CCDC172: variants seen among roughly 807,000 people sequenced by gnomAD.
CCDC172 encodes the protein coiled-coil domain-containing protein 172.
CCDC172 carries 30 observed loss-of-function variants against 38.0 expected under a neutral mutation model. The ratio of observed to expected loss-of-function variants is 0.79; its 90% CI spans 0.59 to 1.07. The LOEUF is 1.07. Ranked by LOEUF, CCDC172 falls within the 50% of genes least tolerant of loss-of-function variation. The probability of loss-of-function intolerance (pLI) is 0.00; values close to 1 mark genes in which losing one functional copy is unlikely to be tolerated. For synonymous variants in CCDC172, 78 were observed against 88.3 expected, an observed-to-expected ratio of 0.88 and a Z score of 0.66; for missense variants, 297 against 290.1, an observed-to-expected ratio of 1.02 and a Z score of -0.17.
At chr10:116,372,926 G>A (rs954613495) in intron 7 of CCDC172, among the ~76,000 whole-genome samples, 1 of 152,162 alleles carries the variant, frequency 6.6e-6, no homozygotes, top group African/African-American at 2.4e-5. Flanking sequence ...AATTGTCAGT[G>A]AAAATCCCTT....
In CCDC172 at chr10:116,372,068, T is replaced by C. The variant is rs1000218420; in HGVS notation, c.654-6355T>C. On this transcript the variant is annotated intron_variant, in intron 7 of 8. Transcript: ENST00000333254. ...GAGTGGTTACTTAACTCTTTCTGCA[T>C]TGGTGTGGGCTTCAGAGCTGAAGTT... Among the ~76,000 whole-genome samples, 5 of 152,224 alleles carry C rather than the reference T, an allele frequency of 3.3e-5. No homozygotes were observed. In the South Asian group the frequency reaches 1.0e-3, roughly 32 times the overall value.
At chr10:116,368,610 CAAG>C (rs1248444579) in intron 7 of CCDC172, among the ~76,000 whole-genome samples, 5 of 151,932 alleles carry the variant, frequency 3.3e-5, no homozygotes, top group African/African-American at 1.2e-4. Context: ...TTTTCTGGTG[CAAG>C]AAGGTGTTCC....
chr10:116,355,415 AGTG>A (rs1844984213), intron 5 of CCDC172, among the ~76,000 whole-genome samples: 2 of 152,186 alleles, frequency 1.3e-5, no homozygotes, highest in African/African-American at 4.8e-5. Flanking sequence ...ACCCCATCTT[AGTG>A]AGTGTGAGTA....
At chr10:116,357,339 T>A in intron 5 of CCDC172, 41 bp from the exon 6 acceptor site, 1 of 1,313,152 alleles carries the variant, frequency 7.6e-7, no homozygotes, top group Non-Finnish European at 1.0e-6. Flanking sequence ...TAAATTTATT[T>A]CTAAGTATTT....
At chr10:116,365,708 A>G (rs1845114751) in intron 7 of CCDC172, among the ~76,000 whole-genome samples, 1 of 152,206 alleles carries the variant, frequency 6.6e-6, no homozygotes, top group Non-Finnish European at 1.5e-5. Flanking sequence ...GTGAACTTCC[A>G]TATACATATG....
intron 5 of CCDC172, among the ~76,000 whole-genome samples, chr10:116,348,930 G>C (rs543188777): frequency 9.2e-5 from 14 of 152,268 alleles, no homozygotes; most frequent in African/African-American, 3.1e-4. Context: ...TAAGAAGTAA[G>C]CCACATAGCA....
At chr10:116,363,012 T>G (rs1214717727) in intron 7 of CCDC172, among the ~76,000 whole-genome samples, 1 of 152,238 alleles carries the variant, frequency 6.6e-6, no homozygotes, top group Non-Finnish European at 1.5e-5. Context: ...CTGATATAAA[T>G]GTAACTTTTC....
intron 7 of CCDC172, among the ~76,000 whole-genome samples, chr10:116,360,222 T>G (rs1178229536): frequency 6.6e-6 from 1 of 152,154 alleles, no homozygotes; most frequent in East Asian, 1.9e-4. Context: ...ACTGATCTGG[T>G]TTTTTCATAT....
intron 3 of CCDC172, among the ~76,000 whole-genome samples, chr10:116,332,948 C>G (rs531496386): frequency 1.9e-3 from 296 of 152,192 alleles, no homozygotes; most frequent in Non-Finnish European, 3.5e-3. Context: ...ATTTAATGCT[C>G]TCTGCAAATT....
intron 7 of CCDC172, among the ~76,000 whole-genome samples, chr10:116,365,792 CT>C (rs1565722838): frequency 6.6e-6 from 1 of 152,052 alleles, no homozygotes; most frequent in Non-Finnish European, 1.5e-5. Context: ...TAAGACTGCA[CT>C]TTTTATTCCA....
At chr10:116,366,253 A>G (rs1422200741) in intron 7 of CCDC172, among the ~76,000 whole-genome samples, 1 of 152,124 alleles carries the variant, frequency 6.6e-6, no homozygotes, top group African/African-American at 2.4e-5. Context: ...TGCATTAGCT[A>G]TGGCTTCTCT....
intron 3 of CCDC172, among the ~76,000 whole-genome samples, chr10:116,340,303 T>G (rs1278721186): frequency 6.6e-6 from 1 of 151,964 alleles, no homozygotes; most frequent in African/African-American, 2.4e-5. Flanking sequence ...AGATTTTATC[T>G]TATTATTTTA....
intron 3 of CCDC172, among the ~76,000 whole-genome samples, chr10:116,334,263 TTC>T (rs1844702554): frequency 6.6e-6 from 1 of 152,256 alleles, no homozygotes; most frequent in Non-Finnish European, 1.5e-5. Context: ...TCCTGGGAAA[TTC>T]TGAGGCCTTC....
intron 5 of CCDC172, among the ~76,000 whole-genome samples, chr10:116,352,530 C>T (rs1016008674): frequency 6.6e-6 from 1 of 151,900 alleles, no homozygotes; most frequent in African/African-American, 2.4e-5. Context: ...TAAAAATAAC[C>T]AAAGACACAG....
chr10:116,337,420 G>A (rs551132949), intron 3 of CCDC172, among the ~76,000 whole-genome samples: 1 of 152,232 alleles, frequency 6.6e-6, no homozygotes, highest in East Asian at 1.9e-4. Context: ...AAAGTGCTGG[G>A]ATTACAGGTG....
chr10:116,366,575 T>C (rs1002504923), intron 7 of CCDC172, among the ~76,000 whole-genome samples: 11 of 152,190 alleles, frequency 7.2e-5, no homozygotes, highest in African/African-American at 2.6e-4. Flanking sequence ...TGTATGACCA[T>C]AGCATATTTT....
chr10:116,357,570 C>G (rs1438102898), intron 6 of CCDC172, 89 bp downstream of exon 6: 1 of 1,097,782 alleles, frequency 9.1e-7, no homozygotes, highest in East Asian at 3.0e-5. Context: ...AATATATTAA[C>G]CTGTTGTGAT....
chr10:116,363,636 A>G (rs1845089104), intron 7 of CCDC172, among the ~76,000 whole-genome samples: 4 of 152,170 alleles, frequency 2.6e-5, no homozygotes, highest in East Asian at 1.9e-4. Context: ...TAAATTTAAC[A>G]TACAAGATTT....
intron 7 of CCDC172, among the ~76,000 whole-genome samples, chr10:116,370,043 G>T (rs1845167655): frequency 6.6e-6 from 1 of 151,466 alleles, no homozygotes; most frequent in African/African-American, 2.4e-5. Flanking sequence ...TTTTCTATCA[G>T]GCTTTTGGTC....
Sources: allele counts gnomAD v4.1 joint callset (sites outside exome capture counted in the v4.1 genomes callset), GRCh38; gene constraint gnomAD v4.1.1; transcripts MANE v1.5; gene names NCBI Gene and HGNC (gene_info 2026-07-23, HGNC 2026-07-21).